C6orf120: variants seen among roughly 807,000 people sequenced by gnomAD.
C6orf120 encodes UPF0669 protein C6orf120.
For synonymous variants in C6orf120, 165 were observed against 123.1 expected (o/e 1.34, Z -2.25); for missense variants, 311 against 264.2 (o/e 1.18, Z -1.23).
downstream of C6orf120, chr6:169,704,945 A>G (rs1788724476): frequency 4.7e-6 from 2 of 429,654 alleles, no homozygotes; most frequent in Non-Finnish European, 4.2e-6. Flanking sequence ...CCTTTCACTT[A>G]TCCTTTAGTT....
upstream of C6orf120, chr6:169,702,126 A>T: frequency 1.8e-6 from 1 of 569,842 alleles, no homozygotes; most frequent in Non-Finnish European, 3.3e-6. Flanking sequence ...ACCTAGCGTC[A>T]CTTCCGCCTC....
At chr6:169,702,914 A>G in exon 1 of C6orf120, 1 of 1,612,738 alleles carries the variant, frequency 6.2e-7, no homozygotes. Flanking sequence ...TACCCCGCCG[A>G]CGGCGCAGAT....
chr6:169,703,864 G>A (rs1470764123), exon 1 of C6orf120: 4 of 647,898 alleles, frequency 6.2e-6, no homozygotes, highest in East Asian at 6.6e-5. Flanking sequence ...GAGAGTAAGC[G>A]TAGCTTTTAA....
downstream of C6orf120, among the ~76,000 whole-genome samples, chr6:169,706,314 G>A (rs1788782719): frequency 6.8e-6 from 1 of 146,170 alleles, no homozygotes; most frequent in African/African-American, 2.6e-5. Context: ...TTAGTTGTGT[G>A]ATTATTCTCT....
chr6:169,705,320 G>A (rs1562983686), downstream of C6orf120: 6 of 1,600,452 alleles, frequency 3.7e-6, no homozygotes, highest in Non-Finnish European at 3.4e-6. Flanking sequence ...AAGAAGGATG[G>A]CCTAAATCAA....
chr6:169,702,901 G>T, exon 1 of C6orf120: 1 of 1,611,342 alleles, frequency 6.2e-7, no homozygotes, highest in Non-Finnish European at 8.5e-7. Context: ...CGGCGAGGCC[G>T]CCTACCCCGC....
At chr6:169,703,657 T>G (rs1454049611) in exon 1 of C6orf120, 1 of 261,214 alleles carries the variant, frequency 3.8e-6, no homozygotes, top group Admixed American at 5.7e-5. Flanking sequence ...CTTCAGTTAT[T>G]AAATAACTTT....
exon 1 of C6orf120, chr6:169,703,222 T>C (rs1227313623): frequency 1.6e-6 from 1 of 636,544 alleles, no homozygotes; most frequent in Non-Finnish European, 2.8e-6. Flanking sequence ...AAGCACAGTA[T>C]TTTAAAGATC....
exon 1 of C6orf120, chr6:169,702,337 C>T (rs1585283908): frequency 1.5e-6 from 1 of 651,396 alleles, no homozygotes; most frequent in Admixed American, 2.8e-5. Flanking sequence ...CAGCGACAGA[C>T]CAGGCGCCTG....
exon 1 of C6orf120, chr6:169,703,336 AC>A: frequency 2.6e-6 from 1 of 389,456 alleles, no homozygotes; most frequent in Non-Finnish European, 4.9e-6. Flanking sequence ...AAATAGAGCA[AC>A]CTTTCATGCT....
chr6:169,702,173 C>A (rs762075813), upstream of C6orf120: 1 of 649,162 alleles, frequency 1.5e-6, no homozygotes, highest in Admixed American at 2.1e-5. Flanking sequence ...ATGTATAAAG[C>A]GCGGCCCCCT....
chr6:169,705,045 A>C, downstream of C6orf120: 1 of 953,048 alleles, frequency 1.0e-6, no homozygotes, highest in Non-Finnish European at 1.6e-6. Context: ...CAAGCTCTTC[A>C]TGTCATGATA....
In C6orf120 at chr6:169,703,025, TTC is replaced by T. The variant is rs1216793804; in HGVS notation, c.570_571del (p.Phe191LeufsTer4). On this transcript the variant is annotated frameshift_variant, in exon 1 of 1. Transcript: ENST00000332290. LOFTEE classifies it high-confidence loss of function. ...AGCATTTTGAAACTGGTACTTGAAATTCTCTTTTGAGTCGTTGACCACACTCT... is the reference window on the plus strand; with the variant it reads ...AGCATTTTGAAACTGGTACTTGAAATTCTTTTGAGTCGTTGACCACACTCT... The T allele has an allele frequency of 6.4e-7, 1 of 1,552,980 alleles. No individual in the cohort carries two copies. Among genetic ancestry groups the T allele is most frequent in the Admixed American group, 1.9e-5 (1 of 51,314 alleles).
At chr6:169,703,193 C>CA in exon 1 of C6orf120, 1 of 708,606 alleles carries the variant, frequency 1.4e-6, no homozygotes, top group Non-Finnish European at 2.4e-6. Flanking sequence ...TCAGTTACCC[C>CA]AAAAATAGGA....
At chr6:169,702,505 C>T (rs769499623) in exon 1 of C6orf120, 7 of 1,601,800 alleles carry the variant, frequency 4.4e-6, no homozygotes, top group East Asian at 4.5e-5. Flanking sequence ...GACGGCCCTG[C>T]TGCTGCTCCT....
chr6:169,703,586 G>A (rs1349546084), exon 1 of C6orf120: 1 of 216,114 alleles, frequency 4.6e-6, no homozygotes, highest in East Asian at 1.6e-4. Flanking sequence ...GTCCAATAAT[G>A]ACAACTCTAA....
At chr6:169,702,143 G>A (rs777358757), upstream of C6orf120, 6 of 601,924 alleles carry the variant, frequency 1.0e-5, no homozygotes, top group South Asian at 7.6e-5. Flanking sequence ...CCTCCGGCGA[G>A]GCTCCGGCCT....
At chr6:169,704,132 A>C (rs985373448) in exon 1 of C6orf120, 2 of 1,445,538 alleles carry the variant, frequency 1.4e-6, no homozygotes, top group African/African-American at 2.9e-5. Context: ...TTATCTTTAC[A>C]GGACTGAATT....
rs760078881 is a variant in C6orf120, at chr6:169,702,593, T to C, written c.134T>C (p.Val45Ala). ...GAGGAGTGGGTGCTCCTGCACGTCGTCCAGGGCCAGATAGGCGCCGGGAAC... is the reference window on the plus strand; with the variant it reads ...GAGGAGTGGGTGCTCCTGCACGTCGCCCAGGGCCAGATAGGCGCCGGGAAC... Residue 45 changes from valine (V) to alanine (A), a missense_variant, in exon 1 of 1, where the codon GTC (valine) becomes GCC (alanine). Coordinates refer to ENST00000332290, the Ensembl canonical transcript of C6orf120. 4.3e-6 allele frequency: 7 copies of C among 1,613,228 alleles called. No homozygotes were observed. In the South Asian group the frequency reaches 7.7e-5, roughly 18 times the overall value.
Sources: allele counts gnomAD v4.1 joint callset (sites outside exome capture counted in the v4.1 genomes callset), GRCh38; gene constraint gnomAD v4.1.1; transcripts MANE v1.5; gene names NCBI Gene and HGNC (gene_info 2026-07-23, HGNC 2026-07-21).